The following SMAD2 variants were observed in gnomAD, a reference collection of about 807,000 sequenced individuals.
SMAD2 encodes the protein SMAD family member 2.
In SMAD2, 8 loss-of-function variants were observed where a neutral mutation model predicts 64.4. That is an observed-to-expected ratio of 0.12 (90% CI 0.07 to 0.22). SMAD2 has a LOEUF of 0.22. Ranked by LOEUF, SMAD2 falls within the 10% of genes least tolerant of loss-of-function variation. The pLI, the probability that SMAD2 is intolerant of heterozygous loss-of-function variation, is 1.00. For synonymous variants in SMAD2, 203 were observed against 195.8 expected, an observed-to-expected ratio of 1.04 and a Z score of -0.31; for missense variants, 289 against 561.2, an observed-to-expected ratio of 0.51 and a Z score of 4.90.
Position 47,837,869 on chromosome 18 carries a change from AC to A in SMAD2, c.*3957del. 1 of 232,874 alleles carries A rather than the reference AC, an allele frequency of 4.3e-6. No homozygotes were observed. The highest frequency in any genetic ancestry group is 1.8e-4 in the South Asian group (1 of 5,524). 14.4% of individuals were successfully genotyped at this position (232,874 alleles called of 1,614,324 possible). On this transcript the variant is annotated 3_prime_UTR_variant, in exon 11 of 11. Coordinates refer to ENST00000262160, the MANE Select transcript of SMAD2 (RefSeq NM_005901.6). ...GGAATGTTCAGCTTTTAAAGTAAAG[AC>A]TGTACATGAAGACATATTTTATGTA... is the stretch of plus-strand genomic sequence containing the variant.
chr18:47,915,657 T>G (rs1486961802), intron 1 of SMAD2, among the ~76,000 whole-genome samples: 1 of 152,212 alleles, frequency 6.6e-6, no homozygotes, highest in Admixed American at 6.5e-5. Context: ...TTTCACCATA[T>G]GCTGCACTCT....
chr18:47,904,466 G>A (rs149396947), intron 1 of SMAD2, among the ~76,000 whole-genome samples: 1,550 of 152,000 alleles, frequency 0.01, 8 homozygotes, highest in Middle Eastern at 0.02. Flanking sequence ...CCACGGGAAG[G>A]GAGGAAACAT....
At chr18:47,854,119 A>T (rs2030429095) in intron 6 of SMAD2, among the ~76,000 whole-genome samples, 1 of 151,952 alleles carries the variant, frequency 6.6e-6, no homozygotes, top group South Asian at 2.1e-4. Context: ...CAACGAACTG[A>T]TGATTAGCCT....
At chr18:47,842,948 AAACT>A (rs1383169094) in intron 10 of SMAD2, among the ~76,000 whole-genome samples, 27 of 152,340 alleles carry the variant, frequency 1.8e-4, no homozygotes, top group African/African-American at 6.5e-4. Flanking sequence ...TTGCTTCTAC[AAACT>A]AACAGCCCTT....
chr18:47,866,757 G>A (rs950986500), intron 5 of SMAD2: 2 of 152,016 alleles, frequency 1.3e-5, no homozygotes, highest in Admixed American at 1.3e-4. Flanking sequence ...CTTTGGTTTT[G>A]CTGTTGCTTG....
At position 47,832,548 on chromosome 18, in the gene SMAD2, T is replaced by G. The variant is rs1159594208; in HGVS notation, c.*9279A>C. 1.3e-5 allele frequency: 2 copies of G among 152,216 alleles called. No individual in the cohort carries two copies. Among genetic ancestry groups the G allele is most frequent in the Admixed American group, 1.3e-4 (2 of 15,276 alleles). 9.4% of individuals were successfully genotyped at this position (152,216 alleles called of 1,614,324 possible). On this transcript the variant is annotated 3_prime_UTR_variant, in exon 11 of 11. Coordinates refer to ENST00000262160, the MANE Select transcript of SMAD2 (RefSeq NM_005901.6). ...TTAAAATGGTTTGCAGAAAACAGTC[T>G]GCTAACCAGTACTGATTCATCCACA...
In SMAD2 at chr18:47,829,207, T is replaced by C. The variant is rs922060294; in HGVS notation, c.*12620A>G. On this transcript the variant is annotated 3_prime_UTR_variant, in exon 11 of 11. Coordinates refer to ENST00000262160, the MANE Select transcript of SMAD2 (RefSeq NM_005901.6). ...TTCACTACAAGGAATTTCAAACTTATCTAAAAGGAAATAGAATACAACAAA... is the reference window on the plus strand; with the variant it reads ...TTCACTACAAGGAATTTCAAACTTACCTAAAAGGAAATAGAATACAACAAA... The C allele has an allele frequency of 6.6e-6, 1 of 152,128 alleles. No individual in the cohort carries two copies. The highest frequency in any genetic ancestry group is 1.5e-5 in the Non-Finnish European group (1 of 68,030). 9.4% of individuals were successfully genotyped at this position (152,128 alleles called of 1,614,324 possible). A position where few individuals can be genotyped will look rare whatever the true frequency, so the allele number is the denominator to read the frequency against.
Position 47,870,582 on chromosome 18 carries a change from A to T in SMAD2, c.237-18T>A. The T allele has an allele frequency of 6.5e-7, 1 of 1,536,842 alleles. No individual in the cohort carries two copies. The highest frequency in any genetic ancestry group is 9.0e-7 in the Non-Finnish European group (1 of 1,109,678). On this transcript the variant is annotated intron_variant, in intron 2 of 10. Coordinates refer to ENST00000262160, the MANE Select transcript of SMAD2 (RefSeq NM_005901.6). ...AGCAAGTGCTGTGCATAAATTGAAA[A>T]ACAAAAAATTGATGTGAACATGGAA...
rs1181158073 is a variant in SMAD2 at position 47,825,122 on chromosome 18, AGTT to A, written c.*16702_*16704del. The A allele has an allele frequency of 6.6e-6, 1 of 152,250 alleles. No individual in the cohort carries two copies. The highest frequency in any genetic ancestry group is 1.5e-5 in the Non-Finnish European group (1 of 68,046). 9.4% of individuals were successfully genotyped at this position (152,250 alleles called of 1,614,324 possible). On this transcript the variant is annotated 3_prime_UTR_variant, in exon 11 of 11. Coordinates refer to ENST00000262160, the MANE Select transcript of SMAD2 (RefSeq NM_005901.6). ...TATTTACAGGAACGTGATAATCAAA[AGTT>A]GTTGTGGGACCATTCAAGATGAGCG...
chr18:47,856,343 T>C (rs975214777), intron 6 of SMAD2, among the ~76,000 whole-genome samples: 6 of 152,196 alleles, frequency 3.9e-5, no homozygotes, highest in African/African-American at 1.4e-4. Flanking sequence ...TTAGGTGCTC[T>C]TATCACACAC....
At chr18:47,889,870 C>T (rs2033106720) in intron 2 of SMAD2, among the ~76,000 whole-genome samples, 1 of 151,992 alleles carries the variant, frequency 6.6e-6, no homozygotes, top group Non-Finnish European at 1.5e-5. Context: ...TGACTCTTTC[C>T]TGAAGCTAAT....
chr18:47,843,417 C>T (rs1914166516), intron 10 of SMAD2, among the ~76,000 whole-genome samples: 1 of 152,152 alleles, frequency 6.6e-6, no homozygotes, highest in South Asian at 2.1e-4. Flanking sequence ...TAGAATAATC[C>T]ATAATCCAGG....
intron 1 of SMAD2, among the ~76,000 whole-genome samples, chr18:47,926,525 C>G (rs1016643059): frequency 1.3e-5 from 2 of 152,246 alleles, no homozygotes; most frequent in East Asian, 1.9e-4. Context: ...CACCACACCC[C>G]CTCTAAGCCT....
chr18:47,845,873 G>C (rs1160371609), intron 8 of SMAD2, 73 bp from the exon 9 acceptor site: 1 of 1,363,802 alleles, frequency 7.3e-7, no homozygotes, highest in Non-Finnish European at 1.0e-6. Flanking sequence ...GCATTTTCTT[G>C]GAAAAATTCT....
At chr18:47,919,156 A>C (rs531331288) in intron 1 of SMAD2, among the ~76,000 whole-genome samples, 1 of 152,144 alleles carries the variant, frequency 6.6e-6, no homozygotes, top group African/African-American at 2.4e-5. Context: ...TACTGTAAAC[A>C]AAGTCAAGAG....
At chr18:47,881,455 T>C (rs1040388135) in intron 2 of SMAD2, among the ~76,000 whole-genome samples, 7 of 152,242 alleles carry the variant, frequency 4.6e-5, no homozygotes, top group African/African-American at 1.7e-4. Context: ...AAGTGCAGCC[T>C]TGCTAAATTT....
rs2144244468 is a variant in SMAD2 at position 47,826,874 on chromosome 18, G to A, written c.*14953C>T. ...CATCTAATACTGAGTACCCACTTCA[G>A]GCTGAATGATCTCTCAAGTGCTCTC... is the stretch of plus-strand genomic sequence containing the variant. On this transcript the variant is annotated 3_prime_UTR_variant, in exon 11 of 11. Transcript: ENST00000262160. 1 of 152,286 alleles carries A rather than the reference G, an allele frequency of 6.6e-6. No individual in the cohort carries two copies. The highest frequency in any genetic ancestry group is 1.9e-4 in the East Asian group (1 of 5,184). The allele number at this position is 152,286 out of a possible 1,614,324, so 9.4% of individuals were successfully genotyped here.
At chr18:47,845,949 A>G (rs1914451614) in intron 8 of SMAD2, 149 bp from the exon 9 acceptor site, 1 of 705,524 alleles carries the variant, frequency 1.4e-6, no homozygotes, top group South Asian at 1.6e-5. Flanking sequence ...CTAACTTTAA[A>G]TATACTACTG....
rs1215823513 is a variant in SMAD2, at chr18:47,850,456, TATTATAC to T, written c.784+811_784+817del. Reference sequence around the variant, plus strand: ...TATATTATGTATAATATATATTATATATTATACATAATATATATTATATATTATATAT... The same window carrying T: ...TATATTATGTATAATATATATTATATATAATATATATTATATATTATATAT... On this transcript the variant is annotated intron_variant, in intron 7 of 10. Coordinates refer to ENST00000262160, the MANE Select transcript of SMAD2 (RefSeq NM_005901.6). 1.5e-3 allele frequency among the ~76,000 whole-genome samples: 36 copies of T among 23,726 alleles called. 11 individuals are homozygous for T. Among genetic ancestry groups the T allele is most frequent in the Non-Finnish European group, 1.8e-3 (27 of 15,324 alleles). The allele number at this position is 23,726 out of a possible 152,430, so 15.6% of individuals were successfully genotyped here. A position where few individuals can be genotyped will look rare whatever the true frequency, so the allele number is the denominator to read the frequency against.
Sources: gnomAD v4.1 joint callset for allele counts (sites outside exome capture counted in the v4.1 genomes callset) on GRCh38, gnomAD v4.1.1 for gene constraint, MANE v1.5 for transcripts, NCBI Gene and HGNC (gene_info 2026-07-23, HGNC 2026-07-21) for gene names.